Variants in XKR9 observed in about 807,000 individuals in gnomAD.
The protein encoded by XKR9 is XK-related protein 9.
Under a neutral mutation model 32.0 loss-of-function variants are expected in XKR9, and 32 were observed. That is an observed-to-expected ratio of 1.00 (90% CI 0.76 to 1.34). The LOEUF (loss-of-function observed/expected upper bound fraction) is 1.34. Ranked by LOEUF, XKR9 falls within the 40% of genes most tolerant of loss-of-function variation. XKR9 has a pLI of 0.00. For missense variants in XKR9, 546 were observed against 429.7 expected (o/e 1.27, Z -2.39); for synonymous variants, 168 against 143.4 (o/e 1.17, Z -1.22).
At chr8:70,910,251 C>A in the XKR9 span, among the ~76,000 whole-genome samples, 2 of 152,146 alleles carry the variant, frequency 1.3e-5, no homozygotes, top group Non-Finnish European at 2.9e-5. Flanking sequence ...CTTCTTGTTA[C>A]CCCAGCTGCC....
At chr8:70,898,197 T>C in the XKR9 span, among the ~76,000 whole-genome samples, 1 of 152,182 alleles carries the variant, frequency 6.6e-6, no homozygotes, top group East Asian at 1.9e-4. Flanking sequence ...ATTCTTGGCT[T>C]CTTTGTCAAA....
chr8:70,771,626 A>C (rs1231338794), intron 2 of XKR9, among the ~76,000 whole-genome samples: 1 of 152,212 alleles, frequency 6.6e-6, no homozygotes, highest in African/African-American at 2.4e-5. Flanking sequence ...TGTTTTAGTC[A>C]TTCTAGCTTG....
chr8:70,844,724 G>A, the XKR9 span, among the ~76,000 whole-genome samples: 3 of 152,346 alleles, frequency 2.0e-5, no homozygotes, highest in East Asian at 1.9e-4. Context: ...CATGGGCCCA[G>A]CCAGCCTGCT....
the XKR9 span, among the ~76,000 whole-genome samples, chr8:70,966,378 G>A: frequency 6.6e-6 from 1 of 152,080 alleles, no homozygotes; most frequent in East Asian, 1.9e-4. Flanking sequence ...CCCCTGAGTA[G>A]CTGGGAATAC....
At position 70,761,400 on chromosome 8, in the gene XKR9, TCTGA is replaced by T. The variant is rs1194531537; in HGVS notation, n.353-27935_353-27932del. Among the ~76,000 whole-genome samples, 14 of 152,294 alleles carry T rather than the reference TCTGA, an allele frequency of 9.2e-5. No individual in the cohort carries two copies. The East Asian group carries it at 1.9e-3, about 21-fold the overall frequency. ...TTTTTGACTTTTTAATAAAAGCCACTCTGACTGGTGTGAGATGGTGTATCATTGT... is the reference window on the plus strand; with the variant it reads ...TTTTTGACTTTTTAATAAAAGCCACTCTGGTGTGAGATGGTGTATCATTGT... On this transcript the variant is annotated intron_variant and non_coding_transcript_variant, in intron 2 of 3. Coordinates refer to the XKR9 transcript ENST00000520273.
chr8:70,865,690 G>T, the XKR9 span, among the ~76,000 whole-genome samples: 1 of 152,128 alleles, frequency 6.6e-6, no homozygotes, highest in Non-Finnish European at 1.5e-5. Flanking sequence ...ATCTGCAATG[G>T]CTGGAGTACT....
chr8:70,684,966 A>G lies in XKR9; in HGVS notation c.272+3636A>G, dbSNP rs540184850. On this transcript the variant is annotated intron_variant, in intron 3 of 4. Transcript: ENST00000408926. ...TCCTCAGGGATCTAGAACTAGAAAT[A>G]CCATTTGACCCAGCCATCCCATTAC... 1.8e-4 allele frequency among the ~76,000 whole-genome samples: 27 copies of G among 146,174 alleles called. No homozygotes were observed. The East Asian group carries it at 3.2e-3, about 17-fold the overall frequency.
At chr8:70,736,251 A>C (rs555285030), downstream of XKR9, among the ~76,000 whole-genome samples, 6 of 152,282 alleles carry the variant, frequency 3.9e-5, no homozygotes, top group East Asian at 1.2e-3. Context: ...TTTTGGTTGC[A>C]TAAATAAATG....
chr8:70,914,394 G>A, the XKR9 span, among the ~76,000 whole-genome samples: 1 of 152,134 alleles, frequency 6.6e-6, no homozygotes, highest in African/African-American at 2.4e-5. Context: ...TTGTGTACTT[G>A]TCAATATTTA....
At chr8:70,931,615 G>A in the XKR9 span, among the ~76,000 whole-genome samples, 1 of 152,174 alleles carries the variant, frequency 6.6e-6, no homozygotes, top group African/African-American at 2.4e-5. Context: ...AAGAAAAGAG[G>A]TTTATTTTGG....
the XKR9 span, among the ~76,000 whole-genome samples, chr8:70,811,918 G>A: frequency 1.3e-5 from 2 of 151,876 alleles, no homozygotes; most frequent in East Asian, 1.9e-4. Flanking sequence ...AGAAAAAGAG[G>A]GAATCCTCCC....
chr8:71,021,627 C>G, the XKR9 span, among the ~76,000 whole-genome samples: 1 of 151,562 alleles, frequency 6.6e-6, no homozygotes, highest in Non-Finnish European at 1.5e-5. Context: ...CTCAGCCTCC[C>G]GTGTAGCTGG....
downstream of XKR9, among the ~76,000 whole-genome samples, chr8:70,740,519 G>A (rs532022756): frequency 6.2e-4 from 94 of 152,024 alleles, no homozygotes; most frequent in South Asian, 1.2e-3. Flanking sequence ...GAGGAACTGC[G>A]TTCCTTTGGA....
the XKR9 span, among the ~76,000 whole-genome samples, chr8:71,050,914 G>T: frequency 6.6e-6 from 1 of 152,088 alleles, no homozygotes; most frequent in African/African-American, 2.4e-5. Flanking sequence ...TAAAAGTAGA[G>T]ATTTCTTATT....
the XKR9 span, among the ~76,000 whole-genome samples, chr8:70,895,856 G>A: frequency 6.6e-6 from 1 of 151,632 alleles, no homozygotes; most frequent in African/African-American, 2.4e-5. Flanking sequence ...AAATTAGCCG[G>A]GTGTGATGGC....
the XKR9 span, among the ~76,000 whole-genome samples, chr8:71,036,676 A>G: frequency 8.5e-5 from 13 of 152,138 alleles, no homozygotes; most frequent in African/African-American, 3.1e-4. Context: ...AATGGATGGT[A>G]TGCAGGTGTC....
the XKR9 span, among the ~76,000 whole-genome samples, chr8:70,814,590 T>A: frequency 2.0e-5 from 3 of 151,202 alleles, no homozygotes; most frequent in Non-Finnish European, 4.4e-5. Context: ...AGAAAGAACA[T>A]ATCTAAAAAT....
intron 2 of XKR9, among the ~76,000 whole-genome samples, chr8:70,752,407 G>A (rs1807155310): frequency 1.3e-5 from 2 of 152,234 alleles, no homozygotes; most frequent in South Asian, 2.1e-4. Flanking sequence ...TCTGGTGAGG[G>A]CCTCATGATG....
At chr8:71,018,774 TA>T in the XKR9 span, among the ~76,000 whole-genome samples, 1 of 152,166 alleles carries the variant, frequency 6.6e-6, no homozygotes, top group Non-Finnish European at 1.5e-5. Context: ...CTTTCTGAAT[TA>T]AAAAAACTTT....
Sources: allele counts gnomAD v4.1 joint callset (sites outside exome capture counted in the v4.1 genomes callset), GRCh38; gene constraint gnomAD v4.1.1; transcripts MANE v1.5; gene names NCBI Gene and HGNC (gene_info 2026-07-23, HGNC 2026-07-21).